Variants in PLXDC2 observed in about 807,000 individuals in gnomAD.
The protein encoded by PLXDC2 is plexin domain-containing protein 2.
Under a neutral mutation model 68.9 loss-of-function variants are expected in PLXDC2, and 40 were observed. The ratio of observed to expected loss-of-function variants is 0.58; its 90% CI spans 0.45 to 0.76. The LOEUF (loss-of-function observed/expected upper bound fraction) is 0.76, where lower values mean the gene tolerates loss of function less well. PLXDC2 is among the 30% of genes least tolerant of loss of function. PLXDC2 has a pLI of 0.00. For synonymous variants in PLXDC2, 243 were observed against 234.2 expected (o/e 1.04, Z -0.34); for missense variants, 644 against 661.9 (o/e 0.97, Z 0.30).
rs1421676311 is a variant in PLXDC2, at chr10:20,288,280, G to A, written c.*8461G>A. On this transcript the variant is annotated 3_prime_UTR_variant, in exon 14 of 14. Coordinates refer to ENST00000377252, the MANE Select transcript of PLXDC2 (RefSeq NM_032812.9). ...TCTTTCAGGGAAAGGTTAATTTTCC[G>A]AAGTTTATTAAAATAGAACTTGGAA... 3 of 152,134 alleles carry A rather than the reference G, an allele frequency of 2.0e-5. No homozygotes were observed. Among genetic ancestry groups the A allele is most frequent in the Non-Finnish European group, 4.4e-5 (3 of 68,032 alleles). The allele number at this position is 152,134 out of a possible 1,614,324, so 9.4% of individuals were successfully genotyped here. A position where few individuals can be genotyped will look rare whatever the true frequency, so the allele number is the denominator to read the frequency against.
At chr10:20,154,172 T>C (rs541116092) in intron 6 of PLXDC2, among the ~76,000 whole-genome samples, 5 of 152,310 alleles carry the variant, frequency 3.3e-5, no homozygotes, top group Non-Finnish European at 7.4e-5. Context: ...AAGTTGCCAT[T>C]AAATAGTGAT....
chr10:19,933,081 G>A (rs1269524895), intron 1 of PLXDC2, among the ~76,000 whole-genome samples: 2 of 152,170 alleles, frequency 1.3e-5, no homozygotes, highest in African/African-American at 4.8e-5. Flanking sequence ...TGCAAGTGTT[G>A]TTAGTTAGGC....
At chr10:20,152,809 T>C (rs564504275) in intron 6 of PLXDC2, among the ~76,000 whole-genome samples, 1 of 152,292 alleles carries the variant, frequency 6.6e-6, no homozygotes, top group Non-Finnish European at 1.5e-5. Context: ...TTTCTTTGCA[T>C]GCTAGGTGAT....
chr10:19,997,647 T>G (rs138354163), intron 1 of PLXDC2, among the ~76,000 whole-genome samples: 263 of 152,328 alleles, frequency 1.7e-3, no homozygotes, highest in Admixed American at 3.1e-3. Context: ...AACATATCCT[T>G]CCAAGCAAAG....
At chr10:20,130,397 T>C (rs1833851450) in intron 4 of PLXDC2, among the ~76,000 whole-genome samples, 1 of 152,118 alleles carries the variant, frequency 6.6e-6, no homozygotes. Flanking sequence ...GCCAACAGGT[T>C]TTTGGAGGAG....
At chr10:20,057,191 C>A (rs959987128) in intron 3 of PLXDC2, among the ~76,000 whole-genome samples, 1 of 151,982 alleles carries the variant, frequency 6.6e-6, no homozygotes, top group Non-Finnish European at 1.5e-5. Flanking sequence ...TTACATGGCT[C>A]CTTTGAAAGA....
At chr10:20,160,345 A>T (rs1240740500) in intron 6 of PLXDC2, among the ~76,000 whole-genome samples, 1 of 152,154 alleles carries the variant, frequency 6.6e-6, no homozygotes, top group African/African-American at 2.4e-5. Flanking sequence ...CACTTAAAAA[A>T]CTGGCAACAA....
At chr10:20,075,429 A>G (rs956241080) in intron 4 of PLXDC2, among the ~76,000 whole-genome samples, 1 of 152,240 alleles carries the variant, frequency 6.6e-6, no homozygotes, top group East Asian at 1.9e-4. Flanking sequence ...GCCTCTAGCA[A>G]TCCTCCCATC....
At chr10:20,075,492 G>A (rs993986089) in intron 4 of PLXDC2, among the ~76,000 whole-genome samples, 13 of 152,210 alleles carry the variant, frequency 8.5e-5, no homozygotes, top group Admixed American at 8.5e-4. Context: ...GCCAAGCTAT[G>A]TTGTTTTGTC....
rs150886434 is a variant in PLXDC2 at position 19,835,594 on chromosome 10, A to C, written c.112+18403A>C. Among the ~76,000 whole-genome samples, 446 of 152,290 alleles carry C rather than the reference A, an allele frequency of 2.9e-3. 10 individuals carry two copies. The East Asian group carries it at 0.057, about 20-fold the overall frequency. ...TATCTGGTGGTGATGGGAACCAGCC[A>C]GTGAGCAGGAATAATCAGAGAAGAG... On this transcript the variant is annotated intron_variant, in intron 1 of 13. Transcript: ENST00000377252.
intron 1 of PLXDC2, among the ~76,000 whole-genome samples, chr10:19,843,893 G>A (rs933206111): frequency 6.6e-6 from 1 of 152,164 alleles, no homozygotes; most frequent in Non-Finnish European, 1.5e-5. Flanking sequence ...TAGCAAAACT[G>A]TATTGTGTAT....
At chr10:20,055,981 T>C (rs183437769) in intron 3 of PLXDC2, among the ~76,000 whole-genome samples, 1 of 152,210 alleles carries the variant, frequency 6.6e-6, no homozygotes, top group Admixed American at 6.5e-5. Flanking sequence ...GTTTAATTTG[T>C]TTAAAAAATA....
intron 1 of PLXDC2, among the ~76,000 whole-genome samples, chr10:19,992,229 T>C (rs1834761939): frequency 6.6e-6 from 1 of 152,136 alleles, no homozygotes; most frequent in South Asian, 2.1e-4. Context: ...GGTAGTAGAC[T>C]TTTCTAGGTG....
chr10:20,246,098 A>T (rs1052547753), intron 13 of PLXDC2, among the ~76,000 whole-genome samples: 1 of 152,238 alleles, frequency 6.6e-6, no homozygotes, highest in Non-Finnish European at 1.5e-5. Context: ...ACACTCAGAC[A>T]CACAATGAGA....
chr10:20,081,932 G>A (rs1254357310), intron 4 of PLXDC2, among the ~76,000 whole-genome samples: 1 of 150,854 alleles, frequency 6.6e-6, no homozygotes, highest in Admixed American at 6.6e-5. Context: ...GTAGTGCCAG[G>A]TACTTGGGAG....
chr10:19,881,471 C>T (rs1000891754), intron 1 of PLXDC2, among the ~76,000 whole-genome samples: 1 of 151,936 alleles, frequency 6.6e-6, no homozygotes, highest in African/African-American at 2.4e-5. Context: ...TCCTTTACAC[C>T]GAGACTCTTT....
intron 4 of PLXDC2, chr10:20,071,023 AAACACTAATGTAAAG>A (rs1375839004): frequency 3.9e-5 from 6 of 152,202 alleles, no homozygotes; most frequent in Non-Finnish European, 7.3e-5. Context: ...TCTTTGAAGA[AAACACTAATGTAAAG>A]ACACTCCTTT....
At chr10:20,072,517 A>AAGAAAGAAAGAAAG (rs1836346736) in intron 4 of PLXDC2, among the ~76,000 whole-genome samples, 1 of 100,030 alleles carries the variant, frequency 1.0e-5, no homozygotes, top group Non-Finnish European at 1.7e-5. Flanking sequence ...GAAAGAAAGA[A>AAGAAAGAAAGAAAG]AGAAAGAAAG....
At chr10:20,053,573 C>T (rs543350156) in intron 3 of PLXDC2, among the ~76,000 whole-genome samples, 6 of 152,224 alleles carry the variant, frequency 3.9e-5, no homozygotes, top group Non-Finnish European at 5.9e-5. Context: ...TCAAATTCCA[C>T]GTTTTTGTGA....
Sources: gnomAD v4.1 joint callset for allele counts (sites outside exome capture counted in the v4.1 genomes callset) on GRCh38, gnomAD v4.1.1 for gene constraint, MANE v1.5 for transcripts, NCBI Gene and HGNC (gene_info 2026-07-23, HGNC 2026-07-21) for gene names.